Variants in GRIA3 observed in about 807,000 individuals in gnomAD.
The protein encoded by GRIA3 is glutamate ionotropic receptor AMPA type subunit 3.
In GRIA3, 3 loss-of-function variants were observed where a neutral mutation model predicts 63.0. The ratio of observed to expected loss-of-function variants is 0.05; its 90% CI spans 0.02 to 0.12. The LOEUF (loss-of-function observed/expected upper bound fraction) is 0.12. Among genes scored for constraint, GRIA3 ranks in the 10% least tolerant of loss-of-function variants. GRIA3 has a pLI of 1.00. For missense variants in GRIA3, 347 were observed against 700.9 expected, an observed-to-expected ratio of 0.50 and a Z score of 5.70; for synonymous variants, 274 against 257.9, an observed-to-expected ratio of 1.06 and a Z score of -0.60.
chrX:123,481,322 G>A (rs923170362), intron 14 of GRIA3, among the ~76,000 whole-genome samples: 1 of 112,081 alleles, frequency 8.9e-6, no homozygotes. Flanking sequence ...ATTACTACTT[G>A]TCTAGCTGTC....
chrX:123,218,438 AT>A (rs1193249972), intron 2 of GRIA3, among the ~76,000 whole-genome samples: 1 of 111,319 alleles, frequency 9.0e-6, no homozygotes, highest in African/African-American at 3.3e-5. Flanking sequence ...AATGATGCTG[AT>A]TTTTTTGTTT....
intron 6 of GRIA3, among the ~76,000 whole-genome samples, chrX:123,398,392 T>G (rs1448571770): frequency 9.0e-6 from 1 of 111,436 alleles, no homozygotes; most frequent in Non-Finnish European, 1.9e-5. Context: ...GAAACAGTAT[T>G]GAGAGCAAGA....
chrX:123,255,718 T>C (rs1201630508), intron 3 of GRIA3, among the ~76,000 whole-genome samples: 1 of 109,035 alleles, frequency 9.2e-6, no homozygotes, highest in African/African-American at 3.3e-5. Flanking sequence ...TGGACAAGTC[T>C]ATGGTCTTGG....
intron 4 of GRIA3, among the ~76,000 whole-genome samples, chrX:123,334,367 A>G (rs2044960502): frequency 9.0e-6 from 1 of 111,723 alleles, no homozygotes; most frequent in Admixed American, 9.5e-5. Flanking sequence ...ATTAAAAAAG[A>G]TGGCACAATT....
At chrX:123,226,731 T>C (rs1389635526) in intron 2 of GRIA3, among the ~76,000 whole-genome samples, 1 of 111,603 alleles carries the variant, frequency 9.0e-6, no homozygotes, top group African/African-American at 3.3e-5. Context: ...TAAAACATAA[T>C]AATTAAAAGG....
At chrX:123,248,007 C>T (rs7876077) in intron 2 of GRIA3, among the ~76,000 whole-genome samples, 1,709 of 112,345 alleles carry the variant, frequency 0.015, 18 homozygotes, top group African/African-American at 0.051. Context: ...ACATCTATAA[C>T]AGTGCCTGAC....
chrX:123,419,603 G>A (rs2045553880), intron 11 of GRIA3, among the ~76,000 whole-genome samples: 1 of 110,733 alleles, frequency 9.0e-6, no homozygotes, highest in Admixed American at 9.7e-5. Context: ...GGATAATCAG[G>A]GCCAGTATCA....
intron 11 of GRIA3, among the ~76,000 whole-genome samples, chrX:123,420,037 T>A (rs1001114260): frequency 4.5e-5 from 5 of 111,980 alleles, no homozygotes; most frequent in African/African-American, 1.6e-4. Context: ...AATATGGCGG[T>A]GAATTCTTAA....
chrX:123,279,172 T>C (rs768526567), intron 3 of GRIA3, among the ~76,000 whole-genome samples: 1 of 111,374 alleles, frequency 9.0e-6, no homozygotes, highest in Admixed American at 9.6e-5. Context: ...ATTGATCTTA[T>C]AGATGTAGAG....
chrX:123,450,855 C>G (rs916095464), intron 12 of GRIA3, among the ~76,000 whole-genome samples: 1 of 111,812 alleles, frequency 8.9e-6, no homozygotes, highest in Non-Finnish European at 1.9e-5. Flanking sequence ...GATCAGACAC[C>G]CTGAATGAAA....
In GRIA3 at chrX:123,287,950, A is replaced by G. The variant is rs569400689; in HGVS notation, c.508+34408A>G. ...CATAAGGGACCAAAAAAGAGCCCAT[A>G]TAGCCAAGACAATACTAAGCAAAAA... On this transcript the variant is annotated intron_variant, in intron 3 of 15. Coordinates refer to ENST00000620443, the MANE Select transcript of GRIA3 (RefSeq NM_007325.5). 1.9e-4 allele frequency among the ~76,000 whole-genome samples: 21 copies of G among 112,329 alleles called. No individual in the cohort carries two copies. The South Asian group carries it at 6.3e-3, about 34-fold the overall frequency.
chrX:123,297,572 A>G (rs996398448), intron 3 of GRIA3, among the ~76,000 whole-genome samples: 1 of 111,542 alleles, frequency 9.0e-6, no homozygotes, highest in African/African-American at 3.3e-5. Flanking sequence ...CTCAGGTTAC[A>G]CTTTTTCATT....
At chrX:123,290,336 A>G (rs1422889697) in intron 3 of GRIA3, among the ~76,000 whole-genome samples, 1 of 111,673 alleles carries the variant, frequency 9.0e-6, no homozygotes, top group Non-Finnish European at 1.9e-5. Flanking sequence ...GCAAATATAT[A>G]TTTTGTGTCT....
chrX:123,417,263 C>T (rs971960936), intron 10 of GRIA3, 139 bp from the exon 11 acceptor site: 5 of 513,177 alleles, frequency 9.7e-6, no homozygotes, highest in Non-Finnish European at 1.6e-5. Flanking sequence ...ACTTTTCTAA[C>T]CTAAGCATTG....
chrX:123,196,256 G>A (rs1454758648), intron 2 of GRIA3, among the ~76,000 whole-genome samples: 1 of 111,396 alleles, frequency 9.0e-6, no homozygotes, highest in Non-Finnish European at 1.9e-5. Flanking sequence ...ATAGTTGTCT[G>A]GAGTTGTAAA....
intron 3 of GRIA3, among the ~76,000 whole-genome samples, chrX:123,295,079 C>A (rs2044677163): frequency 9.0e-6 from 1 of 111,544 alleles, no homozygotes. Flanking sequence ...TAATTCCTTG[C>A]TGATTTATAT....
chrX:123,341,374 T>A (rs1375641034), intron 4 of GRIA3, among the ~76,000 whole-genome samples: 1 of 111,642 alleles, frequency 9.0e-6, no homozygotes, highest in African/African-American at 3.3e-5. Flanking sequence ...TTCTTATTAC[T>A]TTTGGCTTCA....
At chrX:123,346,355 A>C (rs1031040520) in intron 4 of GRIA3, among the ~76,000 whole-genome samples, 1 of 111,847 alleles carries the variant, frequency 8.9e-6, no homozygotes, top group African/African-American at 3.3e-5. Context: ...TTCACCAATC[A>C]TTTCAGTCAC....
At chrX:123,208,271 G>T (rs1927946234) in intron 2 of GRIA3, among the ~76,000 whole-genome samples, 1 of 112,214 alleles carries the variant, frequency 8.9e-6, no homozygotes, top group Admixed American at 9.4e-5. Context: ...AGGTTACACA[G>T]AACCCTGGGC....
Sources: allele counts gnomAD v4.1 joint callset (sites outside exome capture counted in the v4.1 genomes callset), GRCh38; gene constraint gnomAD v4.1.1; transcripts MANE v1.5; gene names NCBI Gene and HGNC (gene_info 2026-07-23, HGNC 2026-07-21).